CIDEB: variants seen among roughly 807,000 people sequenced by gnomAD.
CIDEB encodes cell death inducing DFFA like effector b.
A neutral mutation model predicts 22.4 loss-of-function variants in CIDEB; 27 were observed. That is an observed-to-expected ratio of 1.21 (90% confidence interval 0.89 to 1.66). CIDEB has a LOEUF of 1.66. Among genes scored for constraint, CIDEB ranks in the 40% most tolerant of loss-of-function variants. The pLI is 0.00. For synonymous variants in CIDEB, 103 were observed against 109.5 expected, an observed-to-expected ratio of 0.94 and a Z score of 0.37; for missense variants, 289 against 268.7, an observed-to-expected ratio of 1.08 and a Z score of -0.53.
chr14:24,306,732 C>T (rs1223658579), intron 2 of CIDEB: 1 of 595,316 alleles, frequency 1.7e-6, no homozygotes, highest in East Asian at 2.9e-5. Context: ...CCTCTTTGCT[C>T]CTACCATGTC....
chr14:24,310,572 A>T, upstream of CIDEB: 1 of 1,331,736 alleles, frequency 7.5e-7, no homozygotes, highest in Non-Finnish European at 1.1e-6. Context: ...AGGAGGAGGC[A>T]TGGCACCTTC....
upstream of CIDEB, chr14:24,309,391 A>G (rs1457569494): frequency 1.3e-5 from 2 of 152,238 alleles, no homozygotes; most frequent in African/African-American, 4.8e-5. Context: ...GCCCTCCCCA[A>G]GCAACCTCAA....
In CIDEB at chr14:24,305,621, G is replaced by A. The variant is rs371813029; in HGVS notation, c.*12C>T. On this transcript the variant is annotated 3_prime_UTR_variant, in exon 5 of 5. Coordinates refer to ENST00000554411, the MANE Select transcript of CIDEB (RefSeq NM_001393339.1). The stretch of plus-strand genomic sequence containing the variant: ...GGTTGGAATGATTCTGGGGGCAGAA[G>A]CTCAGAGCCCCTTAGTAGGAATGGA... 8.7e-6 allele frequency: 14 copies of A among 1,607,064 alleles called. No individual in the cohort carries two copies. The highest frequency in any genetic ancestry group is 1.3e-5 in the African/African-American group (1 of 74,598).
upstream of CIDEB, chr14:24,308,179 G>A (rs1215868782): frequency 7.9e-6 from 3 of 379,986 alleles, no homozygotes. Context: ...TGTGACTTCT[G>A]GTGTTTTTTT....
upstream of CIDEB, chr14:24,310,796 C>T (rs1435022077): frequency 6.2e-7 from 1 of 1,604,178 alleles, no homozygotes; most frequent in African/African-American, 1.3e-5. Flanking sequence ...TGGTGTGGAG[C>T]TTGGCGGGCT....
chr14:24,307,932 T>G lies in CIDEB; in HGVS notation c.-74A>C. 3 of 1,360,560 alleles carry G rather than the reference T, an allele frequency of 2.2e-6. No homozygotes were observed. The highest frequency in any genetic ancestry group is 2.1e-6 in the Non-Finnish European group (2 of 972,662). 84.3% of individuals were successfully genotyped at this position (1,360,560 alleles called of 1,614,324 possible). ...CTCCTGTGCTGGGGCTTTAGTGGTG[T>G]TTTCTGTTACAAACCTGGGATCTCA... On this transcript the variant is annotated 5_prime_UTR_variant, in exon 1 of 5. Coordinates refer to ENST00000554411, the MANE Select transcript of CIDEB (RefSeq NM_001393339.1).
rs2139150347 is a variant in CIDEB at position 24,307,378 on chromosome 14, A to G, written c.179T>C (p.Leu60Pro). 6.2e-7 allele frequency: 1 copy of G among 1,613,368 alleles called. No individual in the cohort carries two copies. The highest frequency in any genetic ancestry group is 8.5e-7 in the Non-Finnish European group (1 of 1,179,606). ...GGAACTTGGCCTACTTACTTTGGCTAGCAGCTCCTGGCGGGTGGCAGCTGT... is the reference window on the plus strand; with the variant it reads ...GGAACTTGGCCTACTTACTTTGGCTGGCAGCTCCTGGCGGGTGGCAGCTGT... ...GLTAATRQEL[L>P]AKALETLLLN... Residue 60 changes from leucine to proline, a missense_variant, in exon 2 of 5, where the codon CTA becomes CCA. By Grantham distance (98) the Leu-to-Pro change is moderately conservative. Transcript: ENST00000554411.
chr14:24,306,321 G>A (rs922298697), intron 3 of CIDEB, 53 bp downstream of exon 3: 8 of 1,608,694 alleles, frequency 5.0e-6, no homozygotes, highest in African/African-American at 4.0e-5. Flanking sequence ...GAGGAAGCCC[G>A]GGAAAGCTCT....
chr14:24,311,092 T>C, upstream of CIDEB: 1 of 1,562,788 alleles, frequency 6.4e-7, no homozygotes, highest in Non-Finnish European at 8.6e-7. Flanking sequence ...CGCCTGCTGC[T>C]GGCGGTCTGG....
chr14:24,311,255 G>A (rs1191013229), upstream of CIDEB: 5 of 1,605,228 alleles, frequency 3.1e-6, no homozygotes, highest in South Asian at 2.2e-5. Context: ...TCGGGCTGAT[G>A]CTCGGCTGCT....
In CIDEB at chr14:24,307,964, G is replaced by A; in HGVS notation, c.-106C>T. Reference sequence around the variant, plus strand: ...TTACAAACCTGGGATCTCAGCCCAGGACAAGGTGGGAATGAGTCAAGCCTG... The same window carrying A: ...TTACAAACCTGGGATCTCAGCCCAGAACAAGGTGGGAATGAGTCAAGCCTG... On this transcript the variant is annotated 5_prime_UTR_variant, in exon 1 of 5. Transcript: ENST00000554411. 4.7e-6 allele frequency: 5 copies of A among 1,062,370 alleles called. No homozygotes were observed. The highest frequency in any genetic ancestry group is 7.1e-6 in the Non-Finnish European group (5 of 704,256). 65.8% of individuals were successfully genotyped at this position (1,062,370 alleles called of 1,614,324 possible).
intron 2 of CIDEB, 178 bp from the exon 3 acceptor site, chr14:24,306,701 T>C (rs2041520630): frequency 1.1e-5 from 8 of 700,322 alleles, no homozygotes; most frequent in South Asian, 1.1e-4. Flanking sequence ...TGGGGGATCC[T>C]AGCTAGAGGC....
At position 24,306,506 on chromosome 14, in the gene CIDEB, C is replaced by G. The variant is rs549874139; in HGVS notation, c.204G>C (p.Leu68=). The change falls in exon 3 of 5, where the codon CTG becomes CTC. Residue 68 remains leucine, a synonymous_variant. Coordinates refer to ENST00000554411, the MANE Select transcript of CIDEB (RefSeq NM_001393339.1). ...GCACCAGGGTTAGCACTCCATTCAG[C>G]AGTAGGGTCTCCAATGCCTGCCCAA... is the stretch of plus-strand genomic sequence containing the variant. ...ELLAKALETL[L]LNGVLTLVLE... 3 of 1,614,248 alleles carry G rather than the reference C, an allele frequency of 1.9e-6. No homozygotes were observed. The highest frequency in any genetic ancestry group is 1.3e-5 in the African/African-American group (1 of 75,070).
At chr14:24,311,403 C>T, upstream of CIDEB, 1 of 1,601,740 alleles carries the variant, frequency 6.2e-7, no homozygotes. Flanking sequence ...CAACCTTCTG[C>T]AGGCGGTCGC....
At position 24,305,267 on chromosome 14, in the gene CIDEB, A is replaced by G; in HGVS notation, c.*366T>C. On this transcript the variant is annotated 3_prime_UTR_variant, in exon 5 of 5. Coordinates refer to ENST00000554411, the MANE Select transcript of CIDEB (RefSeq NM_001393339.1). ...AGGGTATGAAGACAGATCTCAAGGT[A>G]AAGTCAGAGAGGGCTGTCATCAGTA... The G allele has an allele frequency of 1.4e-6, 1 of 713,264 alleles. No homozygotes were observed. Among genetic ancestry groups the G allele is most frequent in the South Asian group, 3.1e-5 (1 of 32,240 alleles). The allele number at this position is 713,264 out of a possible 1,614,324, so 44.2% of individuals were successfully genotyped here. A position where few individuals can be genotyped will look rare whatever the true frequency, so the allele number is the denominator to read the frequency against.
Position 24,307,963 on chromosome 14 carries a change from G to T in CIDEB, c.-105C>A. The T allele has an allele frequency of 9.4e-7, 1 of 1,060,884 alleles. No homozygotes were observed. Among genetic ancestry groups the T allele is most frequent in the South Asian group, 1.4e-5 (1 of 72,928 alleles). The allele number at this position is 1,060,884 out of a possible 1,614,324, so 65.7% of individuals were successfully genotyped here. On this transcript the variant is annotated 5_prime_UTR_variant, in exon 1 of 5. The change creates a new upstream start codon in the 5' untranslated region. Coordinates refer to ENST00000554411, the MANE Select transcript of CIDEB (RefSeq NM_001393339.1). ...GTTACAAACCTGGGATCTCAGCCCA[G>T]GACAAGGTGGGAATGAGTCAAGCCT...
In CIDEB at chr14:24,307,432, T is replaced by A. The variant is rs1007529505; in HGVS notation, c.125A>T (p.Asp42Val). 10 of 1,613,916 alleles carry A rather than the reference T, an allele frequency of 6.2e-6. No homozygotes were observed. In the African/African-American group the frequency reaches 9.4e-5, roughly 15 times the overall value. ...GCCTTTCCGGATGGTCCGCTTGTGA[T>A]CACAGACACGGAAAGGTCGCTGGGG... ...PPPQRPFRVC[D>V]HKRTIRKGLT... Residue 42 changes from aspartate (D) to valine (V), a missense_variant, in exon 2 of 5, where the codon GAT becomes GTT. By Grantham distance (152) the Asp-to-Val change is radical. Coordinates refer to ENST00000554411, the MANE Select transcript of CIDEB (RefSeq NM_001393339.1).
At chr14:24,311,380 C>T (rs772755318), upstream of CIDEB, 1 of 1,603,388 alleles carries the variant, frequency 6.2e-7, no homozygotes, top group Non-Finnish European at 8.5e-7. Context: ...CTCTGGGCCC[C>T]CTACCACGCA....
In CIDEB at chr14:24,306,469, C is replaced by T. The variant is rs2139144324; in HGVS notation, c.241G>A (p.Gly81Arg). ...AAGTCCTCACTGTCCACTGCAGTTC[C>T]ATCCTCCTCTAGCACCAGGGTTAGC... ...GVLTLVLEED[G>R]TAVDSEDFFQ... Residue 81 changes from glycine (G) to arginine (R), a missense_variant, in exon 3 of 5, where the codon GGA (glycine) becomes AGA (arginine). Transcript: ENST00000554411. The T allele has an allele frequency of 3.1e-6, 5 of 1,614,240 alleles. No homozygotes were observed. The highest frequency in any genetic ancestry group is 1.7e-4 in the Middle Eastern group (1 of 6,060).
Sources: allele counts gnomAD v4.1 joint callset, GRCh38; gene constraint gnomAD v4.1.1; transcripts MANE v1.5; gene names NCBI Gene and HGNC (gene_info 2026-07-23, HGNC 2026-07-21).